Variants in GLIS2 observed in about 807,000 individuals in gnomAD.
GLIS2 encodes zinc finger protein GLIS2.
In GLIS2, 14 loss-of-function variants were observed where a neutral mutation model predicts 35.6. The ratio of observed to expected loss-of-function variants is 0.39; its 90% CI spans 0.26 to 0.61. The LOEUF is 0.61. Among genes scored for constraint, GLIS2 ranks in the 20% least tolerant of loss-of-function variants. GLIS2 has a pLI of 0.48. For missense variants in GLIS2, 675 were observed against 713.4 expected (o/e 0.95, Z 0.61); for synonymous variants, 368 against 325.1 (o/e 1.13, Z -1.42).
chr16:4,323,503 G>T (rs2053398946), intron 1 of GLIS2, among the ~76,000 whole-genome samples: 1 of 152,230 alleles, frequency 6.6e-6, no homozygotes, highest in Non-Finnish European at 1.5e-5. Context: ...GAGCCACCAG[G>T]ATGGGGAGGC....
At chr16:4,324,241 C>T (rs2053407310) in intron 1 of GLIS2, among the ~76,000 whole-genome samples, 1 of 152,182 alleles carries the variant, frequency 6.6e-6, no homozygotes, top group African/African-American at 2.4e-5. Flanking sequence ...GTGAATCCCC[C>T]ACTCTTCCAG....
chr16:4,339,344 C>CG lies in GLIS2; in HGVS notation c.*1822dup, dbSNP rs1156657812. 6.5e-5 allele frequency: 10 copies of CG among 152,724 alleles called. No individual in the cohort carries two copies. Among genetic ancestry groups the CG allele is most frequent in the African/African-American group, 2.4e-4 (10 of 41,456 alleles). The allele number at this position is 152,724 out of a possible 1,614,324, so 9.5% of individuals were successfully genotyped here. A position where few individuals can be genotyped will look rare whatever the true frequency, so the allele number is the denominator to read the frequency against. On this transcript the variant is annotated 3_prime_UTR_variant, in exon 7 of 7. Coordinates refer to ENST00000433375, the MANE Select transcript of GLIS2 (RefSeq NM_032575.3). The stretch of plus-strand genomic sequence containing the variant: ...AGGCCGACGAGCTCAGCATGCGACT[C>CG]GGTGACGGACCAGGCTCGGCAGGGC...
chr16:4,334,741 C>A, intron 3 of GLIS2, 60 bp from the exon 4 acceptor site: 1 of 1,599,426 alleles, frequency 6.3e-7, no homozygotes, highest in South Asian at 1.1e-5. Context: ...AGTCCACTAC[C>A]GATGGGACGG....
In GLIS2 at chr16:4,337,883, T is replaced by G; in HGVS notation, c.*359T>G. On this transcript the variant is annotated 3_prime_UTR_variant, in exon 7 of 7. Coordinates refer to ENST00000433375, the MANE Select transcript of GLIS2 (RefSeq NM_032575.3). ...TGACCACCCATGGCAAGTTGCCCTC[T>G]CCCAGCAGAGGGGGTGGGTGGGGTG... The G allele has an allele frequency of 1.9e-5, 8 of 413,094 alleles. No homozygotes were observed. Among genetic ancestry groups the G allele is most frequent in the Non-Finnish European group, 3.2e-5 (7 of 220,554 alleles). 25.6% of individuals were successfully genotyped at this position (413,094 alleles called of 1,614,324 possible).
chr16:4,323,151 G>T (rs1007483891), intron 1 of GLIS2, among the ~76,000 whole-genome samples: 1 of 152,214 alleles, frequency 6.6e-6, no homozygotes, highest in African/African-American at 2.4e-5. Context: ...CTCTGGCTGG[G>T]TCTGCTGAGA....
rs1231053992 is a variant in GLIS2 at position 4,335,631 on chromosome 16, TG to T, written c.775+241del. 4.6e-5 allele frequency among the ~76,000 whole-genome samples: 7 copies of T among 152,314 alleles called. No individual in the cohort carries two copies. In the South Asian group the frequency reaches 8.3e-4, roughly 18 times the overall value. The stretch of plus-strand genomic sequence containing the variant: ...CACCAATGCCATTTCCTGGTTCCCG[TG>T]GGTATCTTCTGACTAATGCCACCTC... On this transcript the variant is annotated intron_variant, in intron 6 of 6. Transcript: ENST00000433375. The surrounding 1 kb of genome is among the most constrained non-coding windows in gnomAD (Gnocchi z 4.6).
chr16:4,326,952 C>G (rs1399517316), intron 1 of GLIS2, among the ~76,000 whole-genome samples: 1 of 151,976 alleles, frequency 6.6e-6, no homozygotes, highest in African/African-American at 2.4e-5. Flanking sequence ...GTAGAGAGAG[C>G]GTTTCGCCAT....
chr16:4,335,253 C>A lies in GLIS2; in HGVS notation c.657-22C>A. ...GGGGTCTCCAGTGAGCTGAGCCGTG[C>A]CCCCCGCCCTCCCTGGAGCAGGTAC... On this transcript the variant is annotated intron_variant, in intron 5 of 6. Coordinates refer to ENST00000433375, the MANE Select transcript of GLIS2 (RefSeq NM_032575.3). This position sits in a 1 kb window ranked among gnomAD's most constrained non-coding sequence, Gnocchi z 4.6. 1.9e-6 allele frequency: 3 copies of A among 1,613,578 alleles called. No homozygotes were observed. The highest frequency in any genetic ancestry group is 1.7e-6 in the Non-Finnish European group (2 of 1,179,916).
intron 3 of GLIS2, 82 bp from the exon 4 acceptor site, chr16:4,334,719 G>A: frequency 5.2e-6 from 8 of 1,524,484 alleles, no homozygotes; most frequent in Non-Finnish European, 7.2e-6. Context: ...TCTCTGTTTG[G>A]GGACACCATT....
At chr16:4,333,981 G>T (rs1417125829) in intron 3 of GLIS2, among the ~76,000 whole-genome samples, 11 of 152,136 alleles carry the variant, frequency 7.2e-5, no homozygotes, top group African/African-American at 2.7e-4. Flanking sequence ...TTGCTTCATT[G>T]CCCAGGCTGG....
At chr16:4,322,228 T>C (rs1445750243) in intron 1 of GLIS2, among the ~76,000 whole-genome samples, 2 of 152,044 alleles carry the variant, frequency 1.3e-5, no homozygotes, top group South Asian at 2.1e-4. Flanking sequence ...GGTGGCACTC[T>C]TCTGTGTAGA....
intron 1 of GLIS2, among the ~76,000 whole-genome samples, chr16:4,330,618 C>T (rs2053488237): frequency 6.6e-6 from 1 of 152,348 alleles, no homozygotes; most frequent in African/African-American, 2.4e-5. Flanking sequence ...AGCGTGGCTA[C>T]CTGCCGGCCA....
intron 1 of GLIS2, among the ~76,000 whole-genome samples, chr16:4,322,682 C>T (rs2141122019): frequency 6.7e-6 from 1 of 149,320 alleles, no homozygotes; most frequent in South Asian, 2.1e-4. Context: ...AGGTCCGGTT[C>T]GATCTAGCAG....
rs2141133603 is a variant in GLIS2, at chr16:4,335,732, G to A, written c.775+339G>A. The A allele has an allele frequency of 3.0e-6, 1 of 331,246 alleles. No individual in the cohort carries two copies. Among genetic ancestry groups the A allele is most frequent in the South Asian group, 4.2e-5 (1 of 23,588 alleles). 20.5% of individuals were successfully genotyped at this position (331,246 alleles called of 1,614,324 possible). ...CATACCAGGACAGCTCTGGTTGTCA[G>A]AGCCACAGACATAATTTTACATTTC... is the stretch of plus-strand genomic sequence containing the variant. On this transcript the variant is annotated intron_variant, in intron 6 of 6. Transcript: ENST00000433375. This position sits in a 1 kb window ranked among gnomAD's most constrained non-coding sequence, Gnocchi z 4.6.
Position 4,332,025 on chromosome 16 carries a change from G to A in GLIS2, c.-66-190G>A, listed in dbSNP as rs1441249282. Among the ~76,000 whole-genome samples, 2 of 152,188 alleles carry A rather than the reference G, an allele frequency of 1.3e-5. No homozygotes were observed. The highest frequency in any genetic ancestry group is 4.8e-5 in the African/African-American group (2 of 41,438). On this transcript the variant is annotated intron_variant, in intron 1 of 6. Transcript: ENST00000433375. This position sits in a 1 kb window ranked among gnomAD's most constrained non-coding sequence, Gnocchi z 5.4. Reference sequence around the variant, plus strand: ...CCCAAGAGACTCATGGGAAGCAGATGCGGAATCTCTGAGGAGGCTGTTGGC... The same window carrying A: ...CCCAAGAGACTCATGGGAAGCAGATACGGAATCTCTGAGGAGGCTGTTGGC...
At chr16:4,329,090 C>T (rs576290568) in intron 1 of GLIS2, 1 of 152,380 alleles carries the variant, frequency 6.6e-6, no homozygotes, top group African/African-American at 2.4e-5. Context: ...TAAATATTTA[C>T]TTCCTTCCTC....
chr16:4,336,576 G>A, intron 6 of GLIS2, 149 bp from the exon 7 acceptor site: 1 of 794,626 alleles, frequency 1.3e-6, no homozygotes, highest in Non-Finnish European at 2.1e-6. Flanking sequence ...CAGATCTCAT[G>A]CCATGTGCTG....
rs902878239 is a variant in GLIS2 at position 4,320,956 on chromosome 16, G to C, written c.-67+4702G>C. On this transcript the variant is annotated intron_variant, in intron 1 of 6. Coordinates refer to ENST00000433375, the MANE Select transcript of GLIS2 (RefSeq NM_032575.3). This position sits in a 1 kb window ranked among gnomAD's most constrained non-coding sequence, Gnocchi z 5.6. ...GGGCCTGGAGCCACCAGGCCTGGCA[G>C]ATCCTGCCAGTGGGTGTTCCCCTTT... is the stretch of plus-strand genomic sequence containing the variant. Among the ~76,000 whole-genome samples the C allele has an allele frequency of 1.3e-5, 2 of 152,238 alleles. No homozygotes were observed. Among genetic ancestry groups the C allele is most frequent in the Non-Finnish European group, 2.9e-5 (2 of 68,048 alleles).
Position 4,333,369 on chromosome 16 carries a change from C to G in GLIS2, c.195C>G (p.Phe65Leu), listed in dbSNP as rs145990457. ...CAGGCTTCCTGCTGAACTCCAAGTT[C>G]CCCGAGAAGGTGGAGGGACGCTTTT... ...PPSGFLLNSK[F>L]PEKVEGRFSA... Residue 65 changes from phenylalanine to leucine, a missense_variant, in exon 3 of 7, where the codon TTC becomes TTG. Coordinates refer to ENST00000433375, the MANE Select transcript of GLIS2 (RefSeq NM_032575.3). 5 of 1,612,962 alleles carry G rather than the reference C, an allele frequency of 3.1e-6. No homozygotes were observed. The highest frequency in any genetic ancestry group is 3.4e-6 in the Non-Finnish European group (4 of 1,180,014).
Sources: allele counts gnomAD v4.1 joint callset (sites outside exome capture counted in the v4.1 genomes callset), GRCh38; gene constraint gnomAD v4.1.1; non-coding constraint Gnocchi (gnomAD v3.1); transcripts MANE v1.5; gene names NCBI Gene and HGNC (gene_info 2026-07-23, HGNC 2026-07-21).